Variants in CADM2 observed in about 807,000 individuals in gnomAD.
CADM2 encodes the protein cell adhesion molecule 2, also known as immunoglobulin superfamily member 4D.
CADM2 carries 12 observed loss-of-function variants against 49.8 expected under a neutral mutation model. The ratio of observed to expected loss-of-function variants is 0.24; its 90% CI spans 0.15 to 0.39. CADM2 has a LOEUF of 0.39. CADM2 is among the 10% of genes least tolerant of loss of function. CADM2 has a pLI of 1.00. For synonymous variants in CADM2, 214 were observed against 175.4 expected (o/e 1.22, Z -1.74); for missense variants, 378 against 492.3 (o/e 0.77, Z 2.20).
At chr3:85,948,355 T>G (rs1722996136) in intron 7 of CADM2, among the ~76,000 whole-genome samples, 1 of 151,474 alleles carries the variant, frequency 6.6e-6, no homozygotes, top group Non-Finnish European at 1.5e-5. Context: ...ATCATAAATT[T>G]GGAACTAATA....
intron 1 of CADM2, among the ~76,000 whole-genome samples, chr3:85,251,607 G>A (rs536665105): frequency 2.0e-4 from 30 of 152,004 alleles, no homozygotes; most frequent in Admixed American, 7.9e-4. Flanking sequence ...GATTATTACA[G>A]ATATTGTATC....
chr3:85,863,941 G>A (rs2075630450), intron 3 of CADM2, among the ~76,000 whole-genome samples: 1 of 152,132 alleles, frequency 6.6e-6, no homozygotes, highest in Non-Finnish European at 1.5e-5. Context: ...CGTGGGAGTT[G>A]GTGGTCAGCA....
At chr3:85,621,472 A>G (rs891066294) in intron 1 of CADM2, among the ~76,000 whole-genome samples, 1 of 152,216 alleles carries the variant, frequency 6.6e-6, no homozygotes, top group Non-Finnish European at 1.5e-5. Context: ...GAAAATTTGA[A>G]TTAAATTCTT....
chr3:85,164,966 ATGTG>A (rs142280188), intron 1 of CADM2, among the ~76,000 whole-genome samples: 5 of 150,044 alleles, frequency 3.3e-5, no homozygotes, highest in Admixed American at 1.3e-4. Context: ...GTGTGTACAT[ATGTG>A]TGTGTGTGTG....
intron 1 of CADM2, among the ~76,000 whole-genome samples, chr3:85,119,221 G>A (rs1268385172): frequency 6.6e-6 from 1 of 152,132 alleles, no homozygotes; most frequent in Admixed American, 6.5e-5. Context: ...AGACTAGCTT[G>A]GGCAACATGG....
chr3:85,319,671 C>T (rs2044552793), intron 1 of CADM2, among the ~76,000 whole-genome samples: 1 of 152,152 alleles, frequency 6.6e-6, no homozygotes, highest in Non-Finnish European at 1.5e-5. Context: ...GGCCATTATC[C>T]TTAGCAAACG....
At chr3:85,118,107 AG>A (rs903384153) in intron 1 of CADM2, among the ~76,000 whole-genome samples, 4 of 151,648 alleles carry the variant, frequency 2.6e-5, no homozygotes, top group Admixed American at 1.3e-4. Flanking sequence ...CCTTACATAA[AG>A]GGTTTTTTTT....
intron 1 of CADM2, among the ~76,000 whole-genome samples, chr3:85,374,362 A>T (rs575306304): frequency 1.4e-4 from 21 of 152,194 alleles, no homozygotes; most frequent in African/African-American, 4.8e-4. Context: ...CCTTTCCTGC[A>T]GTTCCCAATA....
Position 85,999,301 on chromosome 3 carries a change from C to T in CADM2, c.970+37654C>T, listed in dbSNP as rs972478582. Among the ~76,000 whole-genome samples, 3 of 150,630 alleles carry T rather than the reference C, an allele frequency of 2.0e-5. No individual in the cohort carries two copies. The East Asian group carries it at 5.9e-4, about 30-fold the overall frequency. ...GGTGGATCACTTGAGTTCAGGAGTTCGAGACCATCCTGGTCAACATGGTGA... is the reference window on the plus strand; with the variant it reads ...GGTGGATCACTTGAGTTCAGGAGTTTGAGACCATCCTGGTCAACATGGTGA... On this transcript the variant is annotated intron_variant, in intron 8 of 9. Coordinates refer to ENST00000383699, the MANE Select transcript of CADM2 (RefSeq NM_001167675.2).
chr3:84,998,226 A>T (rs1319614146), intron 1 of CADM2, among the ~76,000 whole-genome samples: 2 of 152,166 alleles, frequency 1.3e-5, no homozygotes, highest in Non-Finnish European at 2.9e-5. Context: ...ACCTGGTCTC[A>T]GTGCATGATC....
intron 1 of CADM2, among the ~76,000 whole-genome samples, chr3:84,966,142 G>T (rs994767270): frequency 6.6e-6 from 1 of 152,204 alleles, no homozygotes; most frequent in South Asian, 2.1e-4. Context: ...AAGCATATAC[G>T]AAACCGTTTT....
intron 8 of CADM2, among the ~76,000 whole-genome samples, chr3:86,018,652 T>C (rs1367402623): frequency 1.3e-5 from 2 of 152,208 alleles, no homozygotes; most frequent in Admixed American, 1.3e-4. Context: ...TTTTCATGTG[T>C]TTTTTGGCTG....
intron 1 of CADM2, among the ~76,000 whole-genome samples, chr3:85,553,495 C>T (rs1169235523): frequency 2.0e-5 from 3 of 148,082 alleles, no homozygotes; most frequent in African/African-American, 7.3e-5. Flanking sequence ...TTATTTTGGC[C>T]TCCATTTCTT....
chr3:85,828,159 C>G (rs552609866), intron 3 of CADM2: 1 of 151,914 alleles, frequency 6.6e-6, no homozygotes, highest in African/African-American at 2.4e-5. Context: ...TAGACCCTGA[C>G]GTGCTATCCA....
intron 1 of CADM2, among the ~76,000 whole-genome samples, chr3:85,179,176 C>A (rs1444460401): frequency 1.3e-5 from 2 of 151,898 alleles, no homozygotes; most frequent in Admixed American, 6.6e-5. Context: ...TACCTGTGTT[C>A]TTTTCAGTTT....
At chr3:85,682,390 C>T (rs2107659942) in intron 1 of CADM2, among the ~76,000 whole-genome samples, 2 of 152,108 alleles carry the variant, frequency 1.3e-5, no homozygotes, top group Non-Finnish European at 2.9e-5. Flanking sequence ...AATTGTCTCA[C>T]AGTTTTACAA....
chr3:84,976,780 G>A (rs1386789955), intron 1 of CADM2, among the ~76,000 whole-genome samples: 1 of 151,754 alleles, frequency 6.6e-6, no homozygotes, highest in Non-Finnish European at 1.5e-5. Flanking sequence ...ATGTAGCATA[G>A]CCACTGACTA....
chr3:86,036,085 GC>G (rs1425823151), intron 8 of CADM2, among the ~76,000 whole-genome samples: 2 of 152,034 alleles, frequency 1.3e-5, no homozygotes, highest in Non-Finnish European at 2.9e-5. Context: ...CAATACCATT[GC>G]TTTGGATGTT....
chr3:85,672,116 A>G (rs971556410), intron 1 of CADM2, among the ~76,000 whole-genome samples: 2 of 151,990 alleles, frequency 1.3e-5, no homozygotes, highest in African/African-American at 4.8e-5. Flanking sequence ...TCATATAGTT[A>G]TTCAAACATA....
Sources: allele counts gnomAD v4.1 joint callset (sites outside exome capture counted in the v4.1 genomes callset), GRCh38; gene constraint gnomAD v4.1.1; transcripts MANE v1.5; gene names NCBI Gene and HGNC (gene_info 2026-07-23, HGNC 2026-07-21).